GRIA4: variants seen among roughly 807,000 people sequenced by gnomAD.
The protein encoded by GRIA4 is glutamate ionotropic receptor AMPA type subunit 4.
A neutral mutation model predicts 104.0 loss-of-function variants in GRIA4; 34 were observed. The ratio of observed to expected loss-of-function variants is 0.33; its 90% CI spans 0.25 to 0.44. GRIA4 has a LOEUF of 0.44. Among genes scored for constraint, GRIA4 ranks in the 20% least tolerant of loss-of-function variants. The pLI is 1.00. For missense variants in GRIA4, 750 were observed against 1,096.5 expected, an observed-to-expected ratio of 0.68 and a Z score of 4.46; for synonymous variants, 386 against 381.9, an observed-to-expected ratio of 1.01 and a Z score of -0.13.
chr11:105,976,311 G>A (rs953135806), intron 16 of GRIA4, among the ~76,000 whole-genome samples: 26 of 151,994 alleles, frequency 1.7e-4, no homozygotes, highest in Non-Finnish European at 4.4e-5. Context: ...AGAAATAAAT[G>A]CTGTGTATGC....
At chr11:105,946,286 G>A (rs987149079) in intron 14 of GRIA4, among the ~76,000 whole-genome samples, 9 of 152,102 alleles carry the variant, frequency 5.9e-5, no homozygotes, top group Non-Finnish European at 1.2e-4. Flanking sequence ...GGAGAAACAA[G>A]TGAAAGAATT....
intron 3 of GRIA4, among the ~76,000 whole-genome samples, chr11:105,655,109 G>A (rs888521921): frequency 1.3e-5 from 2 of 152,026 alleles, no homozygotes; most frequent in Non-Finnish European, 2.9e-5. Flanking sequence ...CAGGTAATCT[G>A]TCCACAATAT....
At position 105,972,035 on chromosome 11, in the gene GRIA4, C is replaced by T. The variant is rs749357848; in HGVS notation, c.2409+7C>T. On this transcript the variant is annotated splice_region_variant and intron_variant, in intron 15 of 16. Transcript: ENST00000282499. ...CAAGGACTCTGGAAGCAAGGTCAGT[C>T]GCTGCAGTTCGGGGCCTCCTCTTGT... is the stretch of plus-strand genomic sequence containing the variant. 9.0e-6 allele frequency: 14 copies of T among 1,556,140 alleles called. No individual in the cohort carries two copies. The highest frequency in any genetic ancestry group is 7.8e-5 in the South Asian group (7 of 89,890).
chr11:105,649,056 G>GA (rs1951614068), intron 3 of GRIA4, among the ~76,000 whole-genome samples: 2 of 151,960 alleles, frequency 1.3e-5, no homozygotes, highest in South Asian at 4.1e-4. Flanking sequence ...TGTTAATGCA[G>GA]AAAAACATTA....
chr11:105,642,035 T>C (rs1250100272), intron 3 of GRIA4, among the ~76,000 whole-genome samples: 1 of 152,178 alleles, frequency 6.6e-6, no homozygotes, highest in East Asian at 1.9e-4. Context: ...CTTCCCTCTC[T>C]GCATGTCTGT....
At chr11:105,682,734 A>G (rs1301484652) in intron 3 of GRIA4, among the ~76,000 whole-genome samples, 1 of 152,190 alleles carries the variant, frequency 6.6e-6, no homozygotes, top group Non-Finnish European at 1.5e-5. Context: ...TGATTAATTA[A>G]GCAACACTGC....
intron 14 of GRIA4, among the ~76,000 whole-genome samples, chr11:105,951,528 CT>C (rs1340888649): frequency 6.6e-6 from 1 of 152,114 alleles, no homozygotes; most frequent in Admixed American, 6.6e-5. Flanking sequence ...GAGGCAGGGA[CT>C]TTACTGAGTA....
At chr11:105,714,168 A>C (rs1303458550) in intron 3 of GRIA4, among the ~76,000 whole-genome samples, 1 of 152,130 alleles carries the variant, frequency 6.6e-6, no homozygotes, top group Non-Finnish European at 1.5e-5. Context: ...TTTGCTTCTC[A>C]AAACTTGATG....
In GRIA4 at chr11:105,780,955, C is replaced by G. The variant is rs975556861; in HGVS notation, c.487+27735C>G. 1.3e-5 allele frequency among the ~76,000 whole-genome samples: 2 copies of G among 152,128 alleles called. 1 individual carries two copies. Among genetic ancestry groups the G allele is most frequent in the South Asian group, 4.1e-4 (2 of 4,830 alleles). ...TTCTTTCACACACACACACATATCACAACTGGAGTCATTCAACCTCTAGCT... is the reference window on the plus strand; with the variant it reads ...TTCTTTCACACACACACACATATCAGAACTGGAGTCATTCAACCTCTAGCT... On this transcript the variant is annotated intron_variant, in intron 4 of 16. Coordinates refer to ENST00000282499, the MANE Select transcript of GRIA4 (RefSeq NM_000829.4).
chr11:105,971,198 T>C (rs1462194600), intron 14 of GRIA4, among the ~76,000 whole-genome samples: 2 of 152,156 alleles, frequency 1.3e-5, no homozygotes, highest in East Asian at 3.9e-4. Flanking sequence ...AAAAGATAAA[T>C]AGATGATAGA....
In GRIA4 at chr11:105,802,221, C is replaced by G. The variant is rs141222371; in HGVS notation, c.487+49001C>G. Reference sequence around the variant, plus strand: ...AATTAGCCCAAAAGAGGCTGGAATTCAAGAACAAGATTTCATCTGCTGGTA... The same window carrying G: ...AATTAGCCCAAAAGAGGCTGGAATTGAAGAACAAGATTTCATCTGCTGGTA... On this transcript the variant is annotated intron_variant, in intron 4 of 16. Coordinates refer to ENST00000282499, the MANE Select transcript of GRIA4 (RefSeq NM_000829.4). Among the ~76,000 whole-genome samples the G allele has an allele frequency of 7.0e-4, 106 of 152,174 alleles. 1 individual carries two copies. The East Asian group carries it at 0.018, about 25-fold the overall frequency.
At chr11:105,931,944 G>T (rs993098461) in intron 13 of GRIA4, among the ~76,000 whole-genome samples, 1 of 152,028 alleles carries the variant, frequency 6.6e-6, no homozygotes, top group Admixed American at 6.6e-5. Flanking sequence ...GCCTCTTGTT[G>T]AATTCTATAT....
At chr11:105,616,060 A>G (rs1950591261) in intron 3 of GRIA4, among the ~76,000 whole-genome samples, 1 of 151,790 alleles carries the variant, frequency 6.6e-6, no homozygotes, top group South Asian at 2.1e-4. Flanking sequence ...AATAAGAAGT[A>G]CTAATAGAAT....
At chr11:105,858,325 T>C (rs1945092003) in intron 4 of GRIA4, among the ~76,000 whole-genome samples, 1 of 152,134 alleles carries the variant, frequency 6.6e-6, no homozygotes. Context: ...CATCTTTATC[T>C]TTTGTTTCAC....
intron 14 of GRIA4, among the ~76,000 whole-genome samples, chr11:105,942,964 A>G (rs1247135274): frequency 6.6e-6 from 1 of 152,160 alleles, no homozygotes; most frequent in Admixed American, 6.6e-5. Flanking sequence ...CCTGGACAGG[A>G]AACAGTGATG....
chr11:105,946,111 A>T (rs1948303464), intron 14 of GRIA4, among the ~76,000 whole-genome samples: 1 of 152,148 alleles, frequency 6.6e-6, no homozygotes, highest in Non-Finnish European at 1.5e-5. Context: ...GTTGAGCATC[A>T]TCTCTCCATG....
chr11:105,880,312 T>C (rs942457638), intron 5 of GRIA4, among the ~76,000 whole-genome samples: 11 of 152,178 alleles, frequency 7.2e-5, no homozygotes, highest in African/African-American at 2.2e-4. Context: ...AGATGTAGAA[T>C]TTTAGAACCA....
At chr11:105,633,906 G>A (rs750833385) in intron 3 of GRIA4, among the ~76,000 whole-genome samples, 7 of 152,130 alleles carry the variant, frequency 4.6e-5, no homozygotes, top group Non-Finnish European at 1.0e-4. Flanking sequence ...CTAACCTGGT[G>A]CTTAGTGCAC....
chr11:105,913,315 T>C, intron 10 of GRIA4: 1 of 605,232 alleles, frequency 1.7e-6, no homozygotes, highest in Non-Finnish European at 2.1e-6. Context: ...GAAAGTTATT[T>C]TTTCTTGTAA....
Sources: allele counts gnomAD v4.1 joint callset (sites outside exome capture counted in the v4.1 genomes callset), GRCh38; gene constraint gnomAD v4.1.1; transcripts MANE v1.5; gene names NCBI Gene and HGNC (gene_info 2026-07-23, HGNC 2026-07-21).